Variants in NEDD4L observed in about 807,000 individuals in gnomAD.
NEDD4L encodes E3 ubiquitin-protein ligase NEDD4-like.
Under a neutral mutation model 148.9 loss-of-function variants are expected in NEDD4L, and 54 were observed. The observed-to-expected ratio is 0.36, with a 90% CI of 0.29 to 0.45. NEDD4L has a LOEUF of 0.45. Among genes scored for constraint, NEDD4L ranks in the 20% least tolerant of loss-of-function variants. NEDD4L has a pLI of 1.00. For missense variants in NEDD4L, 856 were observed against 1,233.8 expected, an observed-to-expected ratio of 0.69 and a Z score of 4.59; for synonymous variants, 433 against 440.7, an observed-to-expected ratio of 0.98 and a Z score of 0.22.
chr18:58,302,286 G>A (rs565953165), intron 5 of NEDD4L, among the ~76,000 whole-genome samples: 4 of 152,266 alleles, frequency 2.6e-5, no homozygotes, highest in East Asian at 1.9e-4. Context: ...GAGTGTCCCC[G>A]TTTTGAGGTT....
At chr18:58,312,725 A>G (rs904875234) in intron 5 of NEDD4L, among the ~76,000 whole-genome samples, 8 of 152,232 alleles carry the variant, frequency 5.3e-5, no homozygotes, top group African/African-American at 1.9e-4. Context: ...TGTCTCCCAG[A>G]CTGGAGTGCA....
chr18:58,300,006 C>T (rs1226440626), intron 5 of NEDD4L, among the ~76,000 whole-genome samples: 1 of 152,170 alleles, frequency 6.6e-6, no homozygotes, highest in Non-Finnish European at 1.5e-5. Context: ...GGAGGTTTTA[C>T]TTTGAAAAGT....
chr18:58,165,696 C>A, intron 1 of NEDD4L, 92 bp from the exon 2 acceptor site: 1 of 1,509,120 alleles, frequency 6.6e-7, no homozygotes, highest in Non-Finnish European at 9.1e-7. Context: ...CAATACTGGA[C>A]TGAGTAGAAA....
intron 2 of NEDD4L, among the ~76,000 whole-genome samples, chr18:58,217,645 T>C (rs1280611875): frequency 1.3e-5 from 2 of 152,122 alleles, no homozygotes; most frequent in Non-Finnish European, 2.9e-5. Flanking sequence ...CCAGCTAATC[T>C]TAGCAATTTT....
At chr18:58,391,047 T>G (rs2049766245) in intron 29 of NEDD4L, among the ~76,000 whole-genome samples, 2 of 152,136 alleles carry the variant, frequency 1.3e-5, no homozygotes, top group Non-Finnish European at 2.9e-5. Context: ...TAGGGTCATT[T>G]ATATGGTCGT....
At chr18:58,368,075 GT>G (rs371717098) in intron 22 of NEDD4L, among the ~76,000 whole-genome samples, 1 of 151,460 alleles carries the variant, frequency 6.6e-6, no homozygotes, top group East Asian at 1.9e-4. Context: ...AAAAACAAAA[GT>G]TTTTTTTTAA....
intron 16 of NEDD4L, 130 bp downstream of exon 16, chr18:58,343,233 C>T (rs1360949430): frequency 3.4e-6 from 2 of 590,718 alleles, no homozygotes; most frequent in African/African-American, 2.0e-5. Context: ...AGAGGGTCTC[C>T]TCAGCCTGCA....
rs2081484183 is a variant in NEDD4L at position 58,044,549 on chromosome 18, G to C, written c.-112G>C. On this transcript the variant is annotated 5_prime_UTR_variant, in exon 1 of 31. Coordinates refer to ENST00000400345, the MANE Select transcript of NEDD4L (RefSeq NM_001144967.3). ...CGGCCGCTTACCCGGCAGGGCGTGC[G>C]CAGGGTAGGGTGCGGGACCGGGGGG... 7.8e-7 allele frequency: 1 copy of C among 1,280,784 alleles called. No homozygotes were observed. The highest frequency in any genetic ancestry group is 4.2e-5 in the Admixed American group (1 of 24,084). 79.3% of individuals were successfully genotyped at this position (1,280,784 alleles called of 1,614,324 possible). A position where few individuals can be genotyped will look rare whatever the true frequency, so the allele number is the denominator to read the frequency against.
chr18:58,328,920 G>A (rs1374122744), intron 9 of NEDD4L, 75 bp from the exon 10 acceptor site: 4 of 1,562,280 alleles, frequency 2.6e-6, no homozygotes, highest in East Asian at 4.5e-5. Context: ...GGCCCTCCGT[G>A]AGCATTGAAC....
At chr18:58,390,096 A>G (rs1248438867) in intron 28 of NEDD4L, 2 of 152,380 alleles carry the variant, frequency 1.3e-5, no homozygotes, top group Non-Finnish European at 2.9e-5. Flanking sequence ...TGCCTACAGC[A>G]GTCCAAGTGG....
rs1444638512 is a variant in NEDD4L, at chr18:58,184,380, T to G, written c.122+18519T>G. On this transcript the variant is annotated intron_variant, in intron 2 of 30. Transcript: ENST00000400345. The stretch of plus-strand genomic sequence containing the variant: ...GTTTTGAAATGGAGCAGAGATGGTT[T>G]TGATGAGCCTCACTGGAGGTGCTGC... 4.6e-5 allele frequency among the ~76,000 whole-genome samples: 7 copies of G among 152,192 alleles called. No homozygotes were observed. The South Asian group carries it at 1.2e-3, about 27-fold the overall frequency.
chr18:58,058,119 A>G (rs1401112838), intron 1 of NEDD4L, among the ~76,000 whole-genome samples: 1 of 152,186 alleles, frequency 6.6e-6, no homozygotes, highest in East Asian at 1.9e-4. Flanking sequence ...CATCCTGGCC[A>G]ATATGGTGAA....
chr18:58,273,495 A>T (rs1275592736), intron 5 of NEDD4L, among the ~76,000 whole-genome samples: 1 of 152,182 alleles, frequency 6.6e-6, no homozygotes, highest in Non-Finnish European at 1.5e-5. Flanking sequence ...TGAGATATAG[A>T]CACGGTAGAG....
intron 1 of NEDD4L, among the ~76,000 whole-genome samples, chr18:58,073,654 C>T (rs2083007261): frequency 6.6e-6 from 1 of 152,120 alleles, no homozygotes; most frequent in Admixed American, 6.5e-5. Flanking sequence ...TAAGCAAATT[C>T]AGAGACAAGA....
intron 19 of NEDD4L, 166 bp downstream of exon 19, chr18:58,357,418 G>C: frequency 2.7e-6 from 2 of 738,630 alleles, no homozygotes; most frequent in South Asian, 2.9e-5. Context: ...TTCCAGGTGA[G>C]GTACAGCTGC....
intron 1 of NEDD4L, chr18:58,047,651 A>C (rs1046533220): frequency 6.5e-6 from 2 of 308,836 alleles, no homozygotes; most frequent in Non-Finnish European, 9.4e-6. Flanking sequence ...AGGTAGCCAG[A>C]TTCAAAACCA....
chr18:58,255,306 C>A, intron 5 of NEDD4L: 1 of 187,492 alleles, frequency 5.3e-6, no homozygotes. Context: ...GTTTCAGGCT[C>A]TTGCTGTTTA....
At chr18:58,185,829 C>T (rs866779368) in intron 2 of NEDD4L, among the ~76,000 whole-genome samples, 7 of 151,764 alleles carry the variant, frequency 4.6e-5, no homozygotes, top group South Asian at 2.1e-4. Flanking sequence ...GCCAAGATCG[C>T]GCCATTGCAC....
chr18:58,301,520 G>C (rs2056456545), intron 5 of NEDD4L, among the ~76,000 whole-genome samples: 1 of 152,120 alleles, frequency 6.6e-6, no homozygotes, highest in Non-Finnish European at 1.5e-5. Flanking sequence ...CTGTCTTTCA[G>C]ACCTTATGCT....
Sources: allele counts gnomAD v4.1 joint callset (sites outside exome capture counted in the v4.1 genomes callset), GRCh38; gene constraint gnomAD v4.1.1; transcripts MANE v1.5; gene names NCBI Gene and HGNC (gene_info 2026-07-23, HGNC 2026-07-21).